TMOD3: variants seen among roughly 807,000 people sequenced by gnomAD.
The protein encoded by TMOD3 is tropomodulin-3.
A neutral mutation model predicts 39.2 loss-of-function variants in TMOD3; 20 were observed. The observed-to-expected ratio is 0.51, with a 90% confidence interval of 0.36 to 0.74. The LOEUF (loss-of-function observed/expected upper bound fraction) is 0.74. TMOD3 is among the 30% of genes least tolerant of loss of function. TMOD3 has a pLI of 0.00. For missense variants in TMOD3, 381 were observed against 412.8 expected (o/e 0.92, Z 0.67); for synonymous variants, 143 against 145.8 (o/e 0.98, Z 0.14).
intron 4 of TMOD3, among the ~76,000 whole-genome samples, chr15:51,888,184 C>T (rs2056574894): frequency 6.6e-6 from 1 of 152,206 alleles, no homozygotes; most frequent in South Asian, 2.1e-4. Context: ...CCAAACGTCT[C>T]TATTATTTTC....
chr15:51,837,534 C>T (rs1459956133), intron 1 of TMOD3, among the ~76,000 whole-genome samples: 1 of 151,536 alleles, frequency 6.6e-6, no homozygotes, highest in Non-Finnish European at 1.5e-5. Flanking sequence ...ATTTCAAAGT[C>T]ATGCCCACCC....
chr15:51,884,715 T>C (rs2570228), intron 3 of TMOD3: 71,826 of 151,732 alleles, frequency 0.47, 17,209 homozygotes, highest in Admixed American at 0.54. Context: ...TGTGTGGGGA[T>C]ATAATACTTG....
At chr15:51,897,801 AAAAAC>A (rs1227458113) in intron 7 of TMOD3, among the ~76,000 whole-genome samples, 24 of 150,770 alleles carry the variant, frequency 1.6e-4, no homozygotes, top group African/African-American at 5.8e-4. Flanking sequence ...AAAAAAAACA[AAAAAC>A]TAATGGAATC....
intron 1 of TMOD3, among the ~76,000 whole-genome samples, chr15:51,839,244 C>T (rs914900308): frequency 7.0e-6 from 1 of 142,656 alleles, no homozygotes; most frequent in Admixed American, 7.4e-5. Context: ...ATCATAGGTC[C>T]CTGCAACCTC....
chr15:51,882,314 G>A (rs1435562843), intron 3 of TMOD3, among the ~76,000 whole-genome samples: 1 of 151,812 alleles, frequency 6.6e-6, no homozygotes, highest in Non-Finnish European at 1.5e-5. Flanking sequence ...CGAGGCAGGT[G>A]GATCACTTGA....
chr15:51,907,564 G>C (rs1219081193), intron 9 of TMOD3, among the ~76,000 whole-genome samples: 1 of 152,218 alleles, frequency 6.6e-6, no homozygotes, highest in Non-Finnish European at 1.5e-5. Flanking sequence ...AGGACACCAG[G>C]TGTACCTGTT....
At chr15:51,902,678 C>T (rs1292817998) in intron 9 of TMOD3, among the ~76,000 whole-genome samples, 7 of 112,114 alleles carry the variant, frequency 6.2e-5, no homozygotes, top group Non-Finnish European at 1.2e-4. Context: ...GAGACAGAGT[C>T]TTGCTCTGTC....
Position 51,893,964 on chromosome 15 carries a change from G to A in TMOD3, c.627+19G>A. The A allele has an allele frequency of 6.5e-7, 1 of 1,539,512 alleles. No individual in the cohort carries two copies. Among genetic ancestry groups the A allele is most frequent in the Non-Finnish European group, 8.8e-7 (1 of 1,135,820 alleles). On this transcript the variant is annotated intron_variant, in intron 6 of 9. Transcript: ENST00000308580. ...TATAAAGGTAAGTGTGCTAATCAGA[G>A]TGGTTTTGTATTGCTTTGAGTTAGT...
intron 1 of TMOD3, among the ~76,000 whole-genome samples, chr15:51,835,764 C>G (rs1410450172): frequency 6.6e-6 from 1 of 152,092 alleles, no homozygotes; most frequent in Non-Finnish European, 1.5e-5. Context: ...GAATGTCACC[C>G]CAACCTCATT....
Position 51,886,716 on chromosome 15 carries a change from A to G in TMOD3, c.284-873A>G, listed in dbSNP as rs942322978. ...AGAGAGGGAGAGGGAGACCGTGGAG[A>G]GAGGGAGAGGGAGAGGGAGAGGGCT... On this transcript the variant is annotated intron_variant, in intron 3 of 9. Coordinates refer to ENST00000308580, the MANE Select transcript of TMOD3 (RefSeq NM_014547.5). 1.2e-4 allele frequency among the ~76,000 whole-genome samples: 18 copies of G among 150,928 alleles called. 1 individual carries two copies. The highest frequency in any genetic ancestry group is 1.2e-3 in the Admixed American group (18 of 15,204).
intron 9 of TMOD3, 148 bp from the exon 10 acceptor site, chr15:51,908,628 T>TA (rs2056694215): frequency 6.7e-6 from 3 of 451,022 alleles, no homozygotes; most frequent in South Asian, 6.5e-5. Flanking sequence ...TTTTTTTTTT[T>TA]AATTAGTGGT....
chr15:51,903,490 A>G (rs1388446998), intron 9 of TMOD3, among the ~76,000 whole-genome samples: 1 of 152,194 alleles, frequency 6.6e-6, no homozygotes, highest in Admixed American at 6.5e-5. Context: ...AAAAAATAGC[A>G]CTTCATTTCT....
chr15:51,857,693 C>T (rs1330717797), intron 1 of TMOD3, among the ~76,000 whole-genome samples: 1 of 151,670 alleles, frequency 6.6e-6, no homozygotes, highest in East Asian at 1.9e-4. Flanking sequence ...AGAAAATTGG[C>T]TTATGTACTG....
intron 1 of TMOD3, chr15:51,835,174 T>C (rs1349875695): frequency 1.3e-5 from 2 of 152,204 alleles, no homozygotes; most frequent in Non-Finnish European, 2.9e-5. Context: ...ATGAAGGAGA[T>C]GTAAGCAAGG....
chr15:51,898,958 T>C (rs1487957470), intron 7 of TMOD3: 1 of 152,078 alleles, frequency 6.6e-6, no homozygotes, highest in Non-Finnish European at 1.5e-5. Flanking sequence ...GTCAAATGTC[T>C]AACACTGTAC....
intron 1 of TMOD3, among the ~76,000 whole-genome samples, chr15:51,832,232 T>TATATATATATATA (rs2056260176): frequency 7.3e-6 from 1 of 137,418 alleles, no homozygotes; most frequent in African/African-American, 2.7e-5. Context: ...TATATATATA[T>TATATATATATATA]GAATGACATG....
intron 1 of TMOD3, among the ~76,000 whole-genome samples, chr15:51,830,613 T>C (rs550798711): frequency 1.3e-5 from 2 of 152,314 alleles, no homozygotes; most frequent in Non-Finnish European, 2.9e-5. Flanking sequence ...AACACTGCAG[T>C]AAAACTTACC....
intron 7 of TMOD3, 54 bp from the exon 8 acceptor site, chr15:51,900,101 T>C (rs1811622988): frequency 9.9e-6 from 15 of 1,522,010 alleles, no homozygotes; most frequent in African/African-American, 1.4e-5. Flanking sequence ...ATGTACAATA[T>C]GTAGTAGGTA....
At chr15:51,881,550 CTTTT>C (rs753814979) in intron 3 of TMOD3, among the ~76,000 whole-genome samples, 21 of 61,838 alleles carry the variant, frequency 3.4e-4, no homozygotes, top group African/African-American at 1.2e-3. Flanking sequence ...TTCTTTATTT[CTTTT>C]TTTTTTTTTT....
Sources: gnomAD v4.1 joint callset for allele counts (sites outside exome capture counted in the v4.1 genomes callset) on GRCh38, gnomAD v4.1.1 for gene constraint, MANE v1.5 for transcripts, NCBI Gene and HGNC (gene_info 2026-07-23, HGNC 2026-07-21) for gene names.